AFAP1: variants seen among roughly 807,000 people sequenced by gnomAD.
AFAP1 encodes actin filament associated protein 1, also known as actin filament-associated protein 1.
In AFAP1, 75 loss-of-function variants were observed where a neutral mutation model predicts 93.9. The observed-to-expected ratio is 0.80, with a 90% CI of 0.66 to 0.97. The LOEUF (loss-of-function observed/expected upper bound fraction) is 0.97. AFAP1 is among the 50% of genes least tolerant of loss of function. The pLI, the probability that AFAP1 is intolerant of heterozygous loss-of-function variation, is 0.00. For missense variants in AFAP1, 1,201 were observed against 1,050.8 expected (o/e 1.14, Z -1.98); for synonymous variants, 517 against 430.7 (o/e 1.20, Z -2.48).
In AFAP1 at chr4:7,818,947, A is replaced by G. The variant is rs139028408; in HGVS notation, c.822+129T>C. On this transcript the variant is annotated intron_variant, in intron 7 of 17. Transcript: ENST00000420658. ...CAAAGCAGGCAGTTAAAAAGATGGG[A>G]AGCACGACTGCACTTTTTCTTTTTT... 7.6e-4 allele frequency: 612 copies of G among 809,662 alleles called. 4 individuals are homozygous for G. In the African/African-American group the frequency reaches 9.6e-3, roughly 13 times the overall value. The allele number at this position is 809,662 out of a possible 1,614,324, so 50.2% of individuals were successfully genotyped here.
intron 10 of AFAP1, among the ~76,000 whole-genome samples, chr4:7,797,796 T>C (rs1466138678): frequency 6.6e-6 from 1 of 152,122 alleles, no homozygotes; most frequent in Non-Finnish European, 1.5e-5. Flanking sequence ...TCAGCAAATA[T>C]ACATCAAAGT....
chr4:7,795,549 C>T lies in AFAP1; in HGVS notation c.1267-1723G>A, dbSNP rs568072426. 3.4e-4 allele frequency among the ~76,000 whole-genome samples: 51 copies of T among 149,934 alleles called. 1 individual carries two copies. In the South Asian group the frequency reaches 1.0e-2, roughly 29 times the overall value. On this transcript the variant is annotated intron_variant, in intron 10 of 17. Coordinates refer to ENST00000420658, the MANE Select transcript of AFAP1 (RefSeq NM_001134647.2). ...ACGCCAGTCTCCTGCCTCAGCCTCC[C>T]GAGTAGCTGGGACTACAGGTGCCCA... is the stretch of plus-strand genomic sequence containing the variant.
chr4:7,778,475 C>T (rs750588334), intron 14 of AFAP1: 28 of 479,628 alleles, frequency 5.8e-5, no homozygotes, highest in East Asian at 5.0e-4. Flanking sequence ...CAGGGCCACC[C>T]GGAGCTGCAA....
In AFAP1 at chr4:7,800,687, C is replaced by T. The variant is rs146819572; in HGVS notation, c.1055-34G>A. ...ACACAAGGCCACAGGTCAGCCGCCT[C>T]GGACAAGACCAGGCGAGGTGAAGAC... is the stretch of plus-strand genomic sequence containing the variant. On this transcript the variant is annotated intron_variant, in intron 9 of 17. Transcript: ENST00000420658. 1.0e-3 allele frequency: 1,653 copies of T among 1,611,350 alleles called. 12 individuals are homozygous for T. In the East Asian group the frequency reaches 0.022, roughly 21 times the overall value.
Position 7,843,080 on chromosome 4 carries a change from G to A in AFAP1, c.546+59C>T, listed in dbSNP as rs962229436. The A allele has an allele frequency of 4.6e-5, 71 of 1,559,430 alleles. No homozygotes were observed. The South Asian group carries it at 5.3e-4, about 12-fold the overall frequency. ...ATGTTAATGGTGACTGGATATAAAC[G>A]CCATGGCTTCTGAGTGCAGCAATCT... On this transcript the variant is annotated intron_variant, in intron 5 of 17. Transcript: ENST00000420658.
intron 13 of AFAP1, chr4:7,779,093 T>C (rs2269875): frequency 0.69 from 377,242 of 543,650 alleles, 133,182 homozygotes; most frequent in African/African-American, 0.81. Flanking sequence ...GCAGAGGCTC[T>C]GTAGGATGTG....
intron 8 of AFAP1, among the ~76,000 whole-genome samples, chr4:7,815,250 G>A (rs1249755986): frequency 6.7e-6 from 1 of 150,044 alleles, no homozygotes; most frequent in East Asian, 1.9e-4. Context: ...GGGGCTGGGG[G>A]AGGAGGGAAT....
Position 7,762,934 on chromosome 4 carries a change from A to AG in AFAP1, c.*830dup, listed in dbSNP as rs973285139. ...CACCTGCCGGCTCCGACGTGGATTA[A>AG]GGGCTGGGGATGCTAGCCCAAGGGG... On this transcript the variant is annotated 3_prime_UTR_variant, in exon 18 of 18. Coordinates refer to ENST00000420658, the MANE Select transcript of AFAP1 (RefSeq NM_001134647.2). 6.6e-6 allele frequency: 1 copy of AG among 152,338 alleles called. No homozygotes were observed. Among genetic ancestry groups the AG allele is most frequent in the Admixed American group, 6.5e-5 (1 of 15,290 alleles). 9.4% of individuals were successfully genotyped at this position (152,338 alleles called of 1,614,324 possible).
At chr4:7,822,088 T>C (rs1012436499) in intron 6 of AFAP1, among the ~76,000 whole-genome samples, 31 of 143,066 alleles carry the variant, frequency 2.2e-4, no homozygotes, top group African/African-American at 7.5e-4. Flanking sequence ...CTAAGGTGTT[T>C]ATTAAGTCTC....
Position 7,781,577 on chromosome 4 carries a change from T to C in AFAP1, c.1581A>G (p.Glu527=). ...FPASCSRGLG[E]EVLYDNAGLY... ...GGCCTGCGTTATCATAAAGCACCTC[T>C]TCTCCCAAGCCTCTGCTGCAGGAAG... Residue 527 remains glutamate, a synonymous_variant, in exon 13 of 18, where the codon GAA becomes GAG. Coordinates refer to ENST00000420658, the MANE Select transcript of AFAP1 (RefSeq NM_001134647.2). The C allele has an allele frequency of 6.4e-7, 1 of 1,551,850 alleles. No homozygotes were observed. Among genetic ancestry groups the C allele is most frequent in the Admixed American group, 2.0e-5 (1 of 51,008 alleles).
chr4:7,921,210 G>T (rs965941817), intron 1 of AFAP1, among the ~76,000 whole-genome samples: 1 of 122,174 alleles, frequency 8.2e-6, no homozygotes, highest in Non-Finnish European at 1.6e-5. Flanking sequence ...TTGAGATGGA[G>T]TCTTGCTCTG....
At chr4:7,891,946 C>T (rs1211996108) in intron 1 of AFAP1, among the ~76,000 whole-genome samples, 1 of 151,910 alleles carries the variant, frequency 6.6e-6, no homozygotes, top group African/African-American at 2.4e-5. Context: ...CCCAGCTACT[C>T]AGGATGCTGA....
chr4:7,779,929 T>C (rs1327125955), intron 13 of AFAP1, among the ~76,000 whole-genome samples: 1 of 152,158 alleles, frequency 6.6e-6, no homozygotes, highest in African/African-American at 2.4e-5. Context: ...AAATGTTTCC[T>C]ATTTCAACAA....
chr4:7,913,874 C>G (rs1050775959), intron 1 of AFAP1, among the ~76,000 whole-genome samples: 2 of 152,124 alleles, frequency 1.3e-5, no homozygotes, highest in African/African-American at 2.4e-5. Context: ...AATCTAAGTT[C>G]AGCTTTTTCT....
chr4:7,811,909 T>C (rs1302027450), intron 8 of AFAP1, among the ~76,000 whole-genome samples: 1 of 151,836 alleles, frequency 6.6e-6, no homozygotes, highest in Non-Finnish European at 1.5e-5. Context: ...AGGCCTCCTG[T>C]GATATTAGAA....
chr4:7,851,878 G>C (rs1714479426), intron 4 of AFAP1, among the ~76,000 whole-genome samples: 1 of 152,064 alleles, frequency 6.6e-6, no homozygotes, highest in Non-Finnish European at 1.5e-5. Context: ...AAATAAATTT[G>C]CCTTCTAGGT....
At chr4:7,767,622 CG>C (rs1303539578) in intron 17 of AFAP1, among the ~76,000 whole-genome samples, 1 of 152,140 alleles carries the variant, frequency 6.6e-6, no homozygotes, top group East Asian at 1.9e-4. Context: ...CTTCAGTACA[CG>C]GATCTGCTAT....
chr4:7,867,075 AGGGAGGGGAG>A (rs1168858873), intron 3 of AFAP1, among the ~76,000 whole-genome samples: 2 of 77,526 alleles, frequency 2.6e-5, no homozygotes, highest in Non-Finnish European at 2.4e-5. Flanking sequence ...GGGGAGGAGA[AGGGAGGGGAG>A]GAGAGGGGAG....
chr4:7,807,358 G>A lies in AFAP1; in HGVS notation c.1054+2256C>T, dbSNP rs559324927. Among the ~76,000 whole-genome samples, 25 of 152,242 alleles carry A rather than the reference G, an allele frequency of 1.6e-4. No individual in the cohort carries two copies. In the East Asian group the frequency reaches 1.7e-3, roughly 11 times the overall value. Reference sequence around the variant, plus strand: ...TGTGAGGCAGTCCCACCTTCCATGCGCTCCAAGAAAGGCAGAGGTCAGCGG... The same window carrying A: ...TGTGAGGCAGTCCCACCTTCCATGCACTCCAAGAAAGGCAGAGGTCAGCGG... On this transcript the variant is annotated intron_variant, in intron 9 of 17. Coordinates refer to ENST00000420658, the MANE Select transcript of AFAP1 (RefSeq NM_001134647.2).
Sources: allele counts gnomAD v4.1 joint callset (sites outside exome capture counted in the v4.1 genomes callset), GRCh38; gene constraint gnomAD v4.1.1; transcripts MANE v1.5; gene names NCBI Gene and HGNC (gene_info 2026-07-23, HGNC 2026-07-21).